Variants in NUBPL observed in about 807,000 individuals in gnomAD.
NUBPL encodes the protein NUBP iron-sulfur cluster assembly factor, mitochondrial, also known as iron-sulfur cluster transfer protein NUBPL.
In NUBPL, 31 loss-of-function variants were observed where a neutral mutation model predicts 45.7. The observed-to-expected ratio is 0.68, with a 90% CI of 0.51 to 0.92. The LOEUF is 0.92. Among genes scored for constraint, NUBPL ranks in the 40% least tolerant of loss-of-function variants. NUBPL has a pLI of 0.00. For missense variants in NUBPL, 401 were observed against 398.7 expected (o/e 1.01, Z -0.05); for synonymous variants, 144 against 140.9 (o/e 1.02, Z -0.15).
intron 6 of NUBPL, among the ~76,000 whole-genome samples, chr14:31,681,251 A>G (rs910791337): frequency 4.0e-5 from 6 of 151,222 alleles, no homozygotes; most frequent in Non-Finnish European, 7.4e-5. Context: ...TTCAGATTTT[A>G]AATTTTATCT....
At chr14:31,615,348 A>T (rs1458794716) in intron 4 of NUBPL, among the ~76,000 whole-genome samples, 4 of 152,164 alleles carry the variant, frequency 2.6e-5, no homozygotes, top group Non-Finnish European at 5.9e-5. Flanking sequence ...CAGAACGTGC[A>T]GGTTTGTTAC....
chr14:31,770,670 G>A (rs1194741427), intron 6 of NUBPL, among the ~76,000 whole-genome samples: 1 of 152,142 alleles, frequency 6.6e-6, no homozygotes, highest in East Asian at 1.9e-4. Flanking sequence ...TACAAAGGTG[G>A]TTAAGCTTTG....
chr14:31,783,012 T>C lies in NUBPL; in HGVS notation c.514-4768T>C, dbSNP rs1394330967. On this transcript the variant is annotated intron_variant, in intron 6 of 10. Coordinates refer to ENST00000281081, the MANE Select transcript of NUBPL (RefSeq NM_025152.3). Reference sequence around the variant, plus strand: ...GGCCACCATTTTGTCACCAAACCAATTGGGTCAGTTTGCCTGTGCACAATG... The same window carrying C: ...GGCCACCATTTTGTCACCAAACCAACTGGGTCAGTTTGCCTGTGCACAATG... Among the ~76,000 whole-genome samples the C allele has an allele frequency of 3.3e-5, 5 of 152,142 alleles. No homozygotes were observed. The East Asian group carries it at 7.7e-4, about 23-fold the overall frequency.
intron 6 of NUBPL, among the ~76,000 whole-genome samples, chr14:31,753,362 G>A (rs1483045314): frequency 2.6e-5 from 4 of 152,086 alleles, no homozygotes; most frequent in African/African-American, 9.7e-5. Flanking sequence ...GGTGGCAGTG[G>A]GTGCTGGCCC....
chr14:31,825,812 C>CCTCCTCCTCCTT (rs1555341925), intron 7 of NUBPL, among the ~76,000 whole-genome samples: 1 of 150,812 alleles, frequency 6.6e-6, no homozygotes, highest in African/African-American at 2.4e-5. Flanking sequence ...TTCTCCTCCT[C>CCTCCTCCTCCTT]CTCCTCCTTC....
chr14:31,661,706 A>G (rs1202306618), intron 4 of NUBPL, among the ~76,000 whole-genome samples: 2 of 152,020 alleles, frequency 1.3e-5, no homozygotes, highest in Non-Finnish European at 2.9e-5. Context: ...ACACCCAGCT[A>G]ATTTTTTGTA....
At chr14:31,575,235 G>T (rs866073192) in intron 3 of NUBPL, among the ~76,000 whole-genome samples, 10 of 152,210 alleles carry the variant, frequency 6.6e-5, no homozygotes, top group Middle Eastern at 3.4e-3. Flanking sequence ...CAAGATTTAG[G>T]TTTTGATTTT....
At chr14:31,761,958 TA>T (rs1223047262) in intron 6 of NUBPL, among the ~76,000 whole-genome samples, 1 of 152,216 alleles carries the variant, frequency 6.6e-6, no homozygotes, top group African/African-American at 2.4e-5. Context: ...GATGTTTTCC[TA>T]GGTGCCTTTA....
At chr14:31,850,246 C>G (rs1390360898) in intron 10 of NUBPL, 45 bp downstream of exon 10, 1 of 1,415,920 alleles carries the variant, frequency 7.1e-7, no homozygotes, top group Non-Finnish European at 1.0e-6. Context: ...TTTTTATGTA[C>G]TTTTGAAATA....
chr14:31,730,162 A>G (rs1444996131), intron 6 of NUBPL, among the ~76,000 whole-genome samples: 2 of 152,218 alleles, frequency 1.3e-5, no homozygotes, highest in East Asian at 1.9e-4. Context: ...GATTTTTACA[A>G]TTATTTGGGA....
Position 31,860,450 on chromosome 14 carries a change from A to G in NUBPL, c.*1270A>G, listed in dbSNP as rs1332322551. On this transcript the variant is annotated 3_prime_UTR_variant, in exon 11 of 11. Coordinates refer to ENST00000281081, the MANE Select transcript of NUBPL (RefSeq NM_025152.3). Reference sequence around the variant, plus strand: ...TTTCAAATAATACATTTTGAAAAACATTTATCTTGTCTAATTGAAGCTCAA... The same window carrying G: ...TTTCAAATAATACATTTTGAAAAACGTTTATCTTGTCTAATTGAAGCTCAA... 1 of 152,156 alleles carries G rather than the reference A, an allele frequency of 6.6e-6. No homozygotes were observed. Among genetic ancestry groups the G allele is most frequent in the African/African-American group, 2.4e-5 (1 of 41,446 alleles). The allele number at this position is 152,156 out of a possible 1,614,324, so 9.4% of individuals were successfully genotyped here.
At position 31,828,012 on chromosome 14, in the gene NUBPL, G is replaced by C. The variant is rs891287942; in HGVS notation, c.693+1298G>C. On this transcript the variant is annotated intron_variant, in intron 8 of 10. Coordinates refer to ENST00000281081, the MANE Select transcript of NUBPL (RefSeq NM_025152.3). ...CTCTGGGTTGGATTGACATGTTCTC[G>C]TGAAAATCGAGGAGGCTTATAAGGA... Among the ~76,000 whole-genome samples, 6 of 149,074 alleles carry C rather than the reference G, an allele frequency of 4.0e-5. No individual in the cohort carries two copies. In the East Asian group the frequency reaches 1.0e-3, roughly 25 times the overall value.
intron 4 of NUBPL, among the ~76,000 whole-genome samples, chr14:31,638,634 C>T (rs1487992848): frequency 1.3e-5 from 2 of 152,136 alleles, no homozygotes. Flanking sequence ...GAATGTTGGC[C>T]TGCCTTGCTA....
intron 6 of NUBPL, among the ~76,000 whole-genome samples, chr14:31,747,388 T>A (rs997906040): frequency 5.3e-5 from 8 of 152,150 alleles, no homozygotes; most frequent in Admixed American, 5.2e-4. Flanking sequence ...CCACCCGCCT[T>A]GGCCTCCCAA....
At chr14:31,776,439 G>T (rs1288917363) in intron 6 of NUBPL, among the ~76,000 whole-genome samples, 1 of 152,154 alleles carries the variant, frequency 6.6e-6, no homozygotes, top group Admixed American at 6.5e-5. Flanking sequence ...ACTGAGAAAG[G>T]TTTATTGCAA....
At chr14:31,586,774 G>A (rs919416062) in intron 3 of NUBPL, among the ~76,000 whole-genome samples, 2 of 152,238 alleles carry the variant, frequency 1.3e-5, no homozygotes, top group Non-Finnish European at 2.9e-5. Flanking sequence ...CTTTGAAAAG[G>A]AGGGGTGGGT....
chr14:31,767,736 G>A (rs1215334476), intron 6 of NUBPL, among the ~76,000 whole-genome samples: 1 of 152,000 alleles, frequency 6.6e-6, no homozygotes, highest in African/African-American at 2.4e-5. Flanking sequence ...GCAGGGAGGC[G>A]AAAGCAGGCA....
chr14:31,821,966 T>C (rs1366171984), intron 7 of NUBPL, among the ~76,000 whole-genome samples: 1 of 152,198 alleles, frequency 6.6e-6, no homozygotes, highest in African/African-American at 2.4e-5. Flanking sequence ...CTCACTTATT[T>C]GTGGGATCTG....
intron 8 of NUBPL, among the ~76,000 whole-genome samples, chr14:31,834,422 G>A (rs1013146249): frequency 3.9e-5 from 6 of 151,990 alleles, no homozygotes; most frequent in South Asian, 2.1e-4. Context: ...TTCATGATCT[G>A]CCCACCTTGG....
Sources: gnomAD v4.1 joint callset for allele counts (sites outside exome capture counted in the v4.1 genomes callset) on GRCh38, gnomAD v4.1.1 for gene constraint, MANE v1.5 for transcripts, NCBI Gene and HGNC (gene_info 2026-07-23, HGNC 2026-07-21) for gene names.